Variants in BRINP3 observed in about 807,000 individuals in gnomAD.
BRINP3 encodes the protein BMP/retinoic acid-inducible neural-specific protein 3.
A neutral mutation model predicts 71.0 loss-of-function variants in BRINP3; 19 were observed. That is an observed-to-expected ratio of 0.27 (90% CI 0.19 to 0.39). The LOEUF (loss-of-function observed/expected upper bound fraction) is 0.39, where lower values mean the gene tolerates loss of function less well. BRINP3 is among the 10% of genes least tolerant of loss of function. BRINP3 has a pLI of 1.00. For synonymous variants in BRINP3, 380 were observed against 337.7 expected, an observed-to-expected ratio of 1.13 and a Z score of -1.37; for missense variants, 959 against 940.8, an observed-to-expected ratio of 1.02 and a Z score of -0.25.
intron 2 of BRINP3, among the ~76,000 whole-genome samples, chr1:190,408,476 T>C (rs1244379032): frequency 6.6e-6 from 1 of 152,176 alleles, no homozygotes; most frequent in Non-Finnish European, 1.5e-5. Context: ...TTTCAATTCT[T>C]GGCCTATAAA....
At chr1:190,293,807 T>C (rs993791396) in intron 2 of BRINP3, among the ~76,000 whole-genome samples, 3 of 152,200 alleles carry the variant, frequency 2.0e-5, no homozygotes, top group African/African-American at 2.4e-5. Flanking sequence ...TTTGATTTAA[T>C]GTCTATTTTA....
chr1:190,472,726 G>A (rs1677215337), intron 1 of BRINP3, among the ~76,000 whole-genome samples: 2 of 151,504 alleles, frequency 1.3e-5, no homozygotes, highest in African/African-American at 4.8e-5. Flanking sequence ...CTTGTGGAGA[G>A]AAACCCACAA....
intron 2 of BRINP3, among the ~76,000 whole-genome samples, chr1:190,282,320 T>A (rs1663102276): frequency 1.3e-5 from 2 of 151,596 alleles, no homozygotes; most frequent in Non-Finnish European, 2.9e-5. Flanking sequence ...TTTCTCAAGA[T>A]GCAAAGTGAT....
At chr1:190,282,714 A>G (rs1220212042) in intron 2 of BRINP3, among the ~76,000 whole-genome samples, 2 of 152,024 alleles carry the variant, frequency 1.3e-5, no homozygotes, top group Non-Finnish European at 2.9e-5. Flanking sequence ...TGAGACCCAC[A>G]CTGTCCATCT....
chr1:190,277,444 C>A (rs943772239), intron 3 of BRINP3, among the ~76,000 whole-genome samples: 5 of 151,272 alleles, frequency 3.3e-5, no homozygotes, highest in South Asian at 2.1e-4. Flanking sequence ...TCAGGAGATG[C>A]GGATAAGGGC....
chr1:190,124,515 C>A (rs971860519), intron 7 of BRINP3, among the ~76,000 whole-genome samples: 1 of 151,986 alleles, frequency 6.6e-6, no homozygotes, highest in Non-Finnish European at 1.5e-5. Flanking sequence ...ATGTACAATG[C>A]GTAGAAGCTG....
chr1:190,468,260 A>G (rs190393051), intron 1 of BRINP3, among the ~76,000 whole-genome samples: 1 of 151,452 alleles, frequency 6.6e-6, no homozygotes, highest in African/African-American at 2.4e-5. Flanking sequence ...ACCTTACTAA[A>G]GATTATTAAA....
At chr1:190,331,933 T>C (rs1322351760) in intron 2 of BRINP3, among the ~76,000 whole-genome samples, 2 of 152,034 alleles carry the variant, frequency 1.3e-5, no homozygotes, top group Non-Finnish European at 2.9e-5. Context: ...TTGTTATCAA[T>C]GCATCACTAG....
intron 1 of BRINP3, among the ~76,000 whole-genome samples, chr1:190,473,536 TTC>T (rs932027159): frequency 1.6e-5 from 2 of 128,188 alleles, no homozygotes; most frequent in Non-Finnish European, 3.6e-5. Context: ...TTAGTAATTT[TTC>T]TCTTTTTTTT....
At chr1:190,287,500 T>G (rs775819305) in intron 2 of BRINP3, among the ~76,000 whole-genome samples, 1 of 152,146 alleles carries the variant, frequency 6.6e-6, no homozygotes, top group Non-Finnish European at 1.5e-5. Context: ...TTTTGGATGA[T>G]GCTGGAAATT....
At chr1:190,293,018 A>G (rs1406087155) in intron 2 of BRINP3, among the ~76,000 whole-genome samples, 2 of 149,768 alleles carry the variant, frequency 1.3e-5, no homozygotes, top group African/African-American at 4.9e-5. Flanking sequence ...TTTTAATCTC[A>G]CTTTCATTTA....
Position 190,153,960 on chromosome 1 carries a change from T to C in BRINP3, c.1184+6708A>G. ...ATATAACTCAAATAACAGTAACTTA[T>C]ACAAAATGGAATTTTATTCCTCTCA... On this transcript the variant is annotated intron_variant, in intron 7 of 7. Transcript: ENST00000367462. 6.4e-6 allele frequency: 3 copies of C among 466,110 alleles called. No individual in the cohort carries two copies. In the South Asian group the frequency reaches 2.8e-4, roughly 43 times the overall value. 28.9% of individuals were successfully genotyped at this position (466,110 alleles called of 1,614,324 possible).
At chr1:190,347,923 G>C (rs550929624) in intron 2 of BRINP3, among the ~76,000 whole-genome samples, 1 of 152,072 alleles carries the variant, frequency 6.6e-6, no homozygotes, top group Non-Finnish European at 1.5e-5. Context: ...TAAAGAATAA[G>C]GTTATGCATT....
At chr1:190,266,464 A>C (rs182332703) in intron 3 of BRINP3, among the ~76,000 whole-genome samples, 2 of 152,308 alleles carry the variant, frequency 1.3e-5, no homozygotes, top group Non-Finnish European at 1.5e-5. Context: ...TAGAGGAAGG[A>C]GAATAGTTTA....
intron 6 of BRINP3, among the ~76,000 whole-genome samples, chr1:190,173,838 C>T (rs1652247930): frequency 6.6e-6 from 1 of 152,076 alleles, no homozygotes; most frequent in Admixed American, 6.6e-5. Context: ...TCAAATTTTG[C>T]AAACCTCTTC....
intron 3 of BRINP3, among the ~76,000 whole-genome samples, chr1:190,280,382 G>C (rs1662943054): frequency 6.6e-6 from 1 of 151,738 alleles, no homozygotes; most frequent in Non-Finnish European, 1.5e-5. Context: ...CCAGTTCTAG[G>C]TTTCAGTTAA....
intron 6 of BRINP3, among the ~76,000 whole-genome samples, chr1:190,183,740 A>G (rs548221709): frequency 6.6e-6 from 1 of 151,134 alleles, no homozygotes; most frequent in South Asian, 2.1e-4. Flanking sequence ...TGTAATCATT[A>G]CCACTCGGTG....
At chr1:190,348,194 T>C (rs967698667) in intron 2 of BRINP3, among the ~76,000 whole-genome samples, 1 of 152,128 alleles carries the variant, frequency 6.6e-6, no homozygotes, top group Non-Finnish European at 1.5e-5. Flanking sequence ...TGACTCCCCA[T>C]GGACCTAAAA....
At chr1:190,143,277 G>C (rs958690049) in intron 7 of BRINP3, among the ~76,000 whole-genome samples, 1 of 151,768 alleles carries the variant, frequency 6.6e-6, no homozygotes, top group Non-Finnish European at 1.5e-5. Context: ...CGGAAGATGT[G>C]TCCACTCACT....
Sources: gnomAD v4.1 joint callset for allele counts (sites outside exome capture counted in the v4.1 genomes callset) on GRCh38, gnomAD v4.1.1 for gene constraint, MANE v1.5 for transcripts, NCBI Gene and HGNC (gene_info 2026-07-23, HGNC 2026-07-21) for gene names.